RAD54B: variants seen among roughly 807,000 people sequenced by gnomAD.
RAD54B encodes the protein DNA repair and recombination protein RAD54B.
RAD54B carries 78 observed loss-of-function variants against 95.8 expected under a neutral mutation model. That is an observed-to-expected ratio of 0.81 (90% CI 0.68 to 0.98). RAD54B has a LOEUF of 0.98. Ranked by LOEUF, RAD54B falls within the 50% of genes least tolerant of loss-of-function variation. RAD54B has a pLI of 0.00. For synonymous variants in RAD54B, 328 were observed against 354.9 expected, an observed-to-expected ratio of 0.92 and a Z score of 0.85; for missense variants, 957 against 1,056.6, an observed-to-expected ratio of 0.91 and a Z score of 1.31.
intron 1 of RAD54B, among the ~76,000 whole-genome samples, chr8:94,472,330 A>G (rs1186846493): frequency 6.6e-6 from 1 of 152,208 alleles, no homozygotes; most frequent in African/African-American, 2.4e-5. Context: ...TATATAACTG[A>G]CACAAGTTTG....
intron 1 of RAD54B, among the ~76,000 whole-genome samples, chr8:94,472,263 T>C (rs1001364329): frequency 1.3e-5 from 2 of 152,158 alleles, no homozygotes; most frequent in African/African-American, 4.8e-5. Flanking sequence ...CCAAAATAAC[T>C]TCATTAAACT....
chr8:94,470,202 T>G (rs1813135893), intron 1 of RAD54B, among the ~76,000 whole-genome samples: 1 of 152,212 alleles, frequency 6.6e-6, no homozygotes, highest in South Asian at 2.1e-4. Context: ...CTCGCACGCA[T>G]GTAATCCCAG....
At chr8:94,394,263 G>T (rs979691656) in intron 8 of RAD54B, among the ~76,000 whole-genome samples, 1 of 152,050 alleles carries the variant, frequency 6.6e-6, no homozygotes, top group African/African-American at 2.4e-5. Flanking sequence ...TCGTTCCTAG[G>T]GTTGTGAGGA....
chr8:94,444,281 G>C (rs983754244), intron 3 of RAD54B, among the ~76,000 whole-genome samples: 8 of 152,048 alleles, frequency 5.3e-5, no homozygotes, highest in African/African-American at 1.9e-4. Context: ...AGTCATTTTG[G>C]AAGGCAATTT....
chr8:94,447,751 T>C (rs1586030581), intron 3 of RAD54B, among the ~76,000 whole-genome samples: 2 of 152,154 alleles, frequency 1.3e-5, no homozygotes, highest in East Asian at 1.9e-4. Context: ...TGTCATGAGA[T>C]AGATGAGAAA....
intron 3 of RAD54B, among the ~76,000 whole-genome samples, chr8:94,435,415 T>C (rs1252771840): frequency 6.6e-6 from 1 of 152,106 alleles, no homozygotes; most frequent in East Asian, 1.9e-4. Flanking sequence ...TTTTTTCTGC[T>C]TCTCTCCTAA....
At chr8:94,455,891 A>C (rs1186439188) in intron 3 of RAD54B, among the ~76,000 whole-genome samples, 1 of 152,130 alleles carries the variant, frequency 6.6e-6, no homozygotes, top group Non-Finnish European at 1.5e-5. Flanking sequence ...ATCCAGTATG[A>C]CTTTATCTTG....
chr8:94,438,049 GTTT>G (rs1002446543), intron 3 of RAD54B, among the ~76,000 whole-genome samples: 2 of 152,144 alleles, frequency 1.3e-5, no homozygotes, highest in Non-Finnish European at 2.9e-5. Flanking sequence ...AAAATAAATT[GTTT>G]TTAATTACTG....
intron 2 of RAD54B, among the ~76,000 whole-genome samples, chr8:94,464,202 C>T (rs1002711241): frequency 3.9e-5 from 6 of 152,066 alleles, no homozygotes; most frequent in Non-Finnish European, 5.9e-5. Flanking sequence ...GACCTTGAAA[C>T]GGAGAGATGA....
At chr8:94,451,693 T>C (rs1812658485) in intron 3 of RAD54B, among the ~76,000 whole-genome samples, 1 of 152,056 alleles carries the variant, frequency 6.6e-6, no homozygotes, top group South Asian at 2.1e-4. Flanking sequence ...TAAAACTAAT[T>C]ATAAGGAAAT....
chr8:94,425,663 ATAAG>A (rs1202794026), intron 3 of RAD54B, among the ~76,000 whole-genome samples: 3 of 152,188 alleles, frequency 2.0e-5, no homozygotes, highest in Non-Finnish European at 4.4e-5. Context: ...TGAACTAAAT[ATAAG>A]TATCAATAAG....
chr8:94,440,857 CA>C (rs1474298645), intron 3 of RAD54B, among the ~76,000 whole-genome samples: 1 of 152,140 alleles, frequency 6.6e-6, no homozygotes, highest in African/African-American at 2.4e-5. Flanking sequence ...GAGACCCTCT[CA>C]TATTGTTTTA....
rs575070399 is a variant in RAD54B at position 94,447,754 on chromosome 8, A to T, written c.304+10514T>A. ...GAACCATCTGCCTGTCATGAGATAG[A>T]TGAGAAAAAGCGTGTGGCCACAGTA... On this transcript the variant is annotated intron_variant, in intron 3 of 14. Coordinates refer to ENST00000336148, the MANE Select transcript of RAD54B (RefSeq NM_012415.3). 7.2e-5 allele frequency among the ~76,000 whole-genome samples: 11 copies of T among 152,328 alleles called. No individual in the cohort carries two copies. In the South Asian group the frequency reaches 2.1e-3, roughly 29 times the overall value.
chr8:94,415,134 A>AACCGAAACAGCATGGTACTGGT (rs1394651999), intron 3 of RAD54B, among the ~76,000 whole-genome samples: 1 of 152,084 alleles, frequency 6.6e-6, no homozygotes, highest in African/African-American at 2.4e-5. Flanking sequence ...AGGCTACAGT[A>AACCGAAACAGCATGGTACTGGT]ACCGAAACAG....
intron 3 of RAD54B, among the ~76,000 whole-genome samples, chr8:94,419,747 C>CAAAA (rs36042247): frequency 2.3e-4 from 16 of 70,278 alleles, no homozygotes; most frequent in South Asian, 5.7e-4. Context: ...TGGCCCCCAC[C>CAAAA]AAAAAAAAAA....
rs147530467 is a variant in RAD54B, at chr8:94,405,792, G to A, written c.782-1553C>T. Among the ~76,000 whole-genome samples, 614 of 152,092 alleles carry A rather than the reference G, an allele frequency of 4.0e-3. 3 individuals are homozygous for A. The highest frequency in any genetic ancestry group is 0.014 in the African/African-American group (578 of 41,476). On this transcript the variant is annotated intron_variant, in intron 5 of 14. Coordinates refer to ENST00000336148, the MANE Select transcript of RAD54B (RefSeq NM_012415.3). ...TAGGATTATAAATCACCTAATAAAA[G>A]GCCCATCTTCAAGAAAGAGAAACCT...
chr8:94,390,055 T>C (rs1223394533), intron 10 of RAD54B, among the ~76,000 whole-genome samples: 1 of 152,136 alleles, frequency 6.6e-6, no homozygotes, highest in Non-Finnish European at 1.5e-5. Flanking sequence ...TTTTTTAAGT[T>C]GCGGCTGGGC....
chr8:94,436,735 C>T, intron 3 of RAD54B: 2 of 1,550,722 alleles, frequency 1.3e-6, no homozygotes, highest in South Asian at 1.2e-5. Context: ...GATATCCCAA[C>T]ATCTATTCTT....
At chr8:94,387,193 A>AGTTT in intron 10 of RAD54B, 34 bp from the exon 11 acceptor site, 1 of 1,496,274 alleles carries the variant, frequency 6.7e-7, no homozygotes, top group African/African-American at 1.4e-5. Context: ...TGCTGGCTCA[A>AGTTT]GTTTGTTTTT....
Sources: gnomAD v4.1 joint callset for allele counts (sites outside exome capture counted in the v4.1 genomes callset) on GRCh38, gnomAD v4.1.1 for gene constraint, MANE v1.5 for transcripts, NCBI Gene and HGNC (gene_info 2026-07-23, HGNC 2026-07-21) for gene names.